ZBTB11: variants seen among roughly 807,000 people sequenced by gnomAD.
ZBTB11 encodes the protein zinc finger and BTB domain containing 11, also known as zinc finger and BTB domain-containing protein 11.
A neutral mutation model predicts 113.1 loss-of-function variants in ZBTB11; 68 were observed. The ratio of observed to expected loss-of-function variants is 0.60; its 90% CI spans 0.49 to 0.74. ZBTB11 has a LOEUF of 0.74. Ranked by LOEUF, ZBTB11 falls within the 30% of genes least tolerant of loss-of-function variation. The pLI, the probability that ZBTB11 is intolerant of heterozygous loss-of-function variation, is 0.00. For synonymous variants in ZBTB11, 518 were observed against 452.6 expected (o/e 1.14, Z -1.83); for missense variants, 1,104 against 1,279.4 (o/e 0.86, Z 2.09).
chr3:101,671,092 AT>A, intron 3 of ZBTB11, 37 bp downstream of exon 3: 1 of 1,556,078 alleles, frequency 6.4e-7, no homozygotes, highest in Non-Finnish European at 8.8e-7. Flanking sequence ...CTAGAATGTC[AT>A]TACAAACAAA....
intron 5 of ZBTB11, among the ~76,000 whole-genome samples, 182 bp from the exon 6 acceptor site, chr3:101,660,210 A>C (rs1936864683): frequency 6.6e-6 from 1 of 152,346 alleles, no homozygotes; most frequent in East Asian, 1.9e-4. Flanking sequence ...TATTCTGCAG[A>C]GGCTAAAGTC....
In ZBTB11 at chr3:101,668,620, C is replaced by CAA. The variant is rs35363315; in HGVS notation, c.778+2508_778+2509dup. On this transcript the variant is annotated intron_variant, in intron 3 of 10. Coordinates refer to ENST00000312938, the MANE Select transcript of ZBTB11 (RefSeq NM_014415.4). ...CTAGGGTGACAGAATAAGATTCTGT[C>CAA]AAAAAAAAAAAAAAAGGGCTGAAAG... is the stretch of plus-strand genomic sequence containing the variant. Among the ~76,000 whole-genome samples, 216 of 117,606 alleles carry CAA rather than the reference C, an allele frequency of 1.8e-3. 1 individual carries two copies. Among genetic ancestry groups the CAA allele is most frequent in the African/African-American group, 4.6e-3 (138 of 29,956 alleles). The allele number at this position is 117,606 out of a possible 152,430, so 77.2% of individuals were successfully genotyped here.
chr3:101,651,593 C>T lies in ZBTB11; in HGVS notation c.2735G>A (p.Arg912Gln). 6.2e-7 allele frequency: 1 copy of T among 1,613,578 alleles called. No homozygotes were observed. Among genetic ancestry groups the T allele is most frequent in the Non-Finnish European group, 8.5e-7 (1 of 1,179,928 alleles). Residue 912 changes from arginine to glutamine, a missense_variant, in exon 11 of 11, where the codon CGG (arginine) becomes CAG (glutamine). Transcript: ENST00000312938. The part of the protein sequence containing the change: ...KRHVRTHTGE[R>Q]PYVCPVCSEA... ...GCTACATACAGGACAGACATAGGGC[C>T]GTTCACCAGTATGTGTTCTGACATG...
intron 1 of ZBTB11, among the ~76,000 whole-genome samples, chr3:101,674,712 A>AAAATAAAT (rs149939204): frequency 1.3e-5 from 2 of 150,212 alleles, no homozygotes; most frequent in African/African-American, 4.9e-5. Flanking sequence ...ATAAATAAAT[A>AAAATAAAT]AAATAAATAA....
intron 8 of ZBTB11, among the ~76,000 whole-genome samples, chr3:101,653,897 T>C (rs1936748228): frequency 6.6e-6 from 1 of 152,146 alleles, no homozygotes; most frequent in Non-Finnish European, 1.5e-5. Context: ...CTTCCTGGCT[T>C]TTGTTTCCTA....
Position 101,672,181 on chromosome 3 carries a change from G to T in ZBTB11, c.343C>A (p.Gln115Lys), listed in dbSNP as rs759947683. Residue 115 changes from glutamine to lysine, a missense_variant, in exon 2 of 11, where the codon CAG becomes AAG. Transcript: ENST00000312938. Reference sequence around the variant, plus strand: ...AGTTTCTCCTGGCATTTGCTACACTGTTTAATGTAATCTTTGACTTGCTTC... The same window carrying T: ...AGTTTCTCCTGGCATTTGCTACACTTTTTAATGTAATCTTTGACTTGCTTC... ...ILKQVKDYIK[Q>K]CSKCQEKLDR... 1 of 1,609,494 alleles carries T rather than the reference G, an allele frequency of 6.2e-7. No homozygotes were observed. The highest frequency in any genetic ancestry group is 8.5e-7 in the Non-Finnish European group (1 of 1,178,192).
intron 1 of ZBTB11, among the ~76,000 whole-genome samples, chr3:101,675,986 T>C (rs1937161077): frequency 6.6e-6 from 1 of 152,098 alleles, no homozygotes; most frequent in South Asian, 2.1e-4. Flanking sequence ...ATCTTTTACA[T>C]TTACTTCTTG....
intron 1 of ZBTB11, among the ~76,000 whole-genome samples, chr3:101,673,308 G>A (rs1460895093): frequency 6.6e-6 from 1 of 152,126 alleles, no homozygotes; most frequent in East Asian, 1.9e-4. Flanking sequence ...CTAGTAAAAT[G>A]GCAGAGCTAG....
At position 101,651,131 on chromosome 3, in the gene ZBTB11, AG is replaced by A. The variant is rs1430241128; in HGVS notation, c.*34del. ...AAATGTTCTGTGAGTTCAGTGTACA[AG>A]AGATGTCACTTCTTTTTATCTTCAT... On this transcript the variant is annotated 3_prime_UTR_variant, in exon 11 of 11. Coordinates refer to ENST00000312938, the MANE Select transcript of ZBTB11 (RefSeq NM_014415.4). 1.3e-6 allele frequency: 2 copies of A among 1,535,526 alleles called. No homozygotes were observed. Among genetic ancestry groups the A allele is most frequent in the East Asian group, 2.3e-5 (1 of 44,394 alleles).
intron 3 of ZBTB11, among the ~76,000 whole-genome samples, chr3:101,668,081 T>C (rs1017950778): frequency 2.0e-5 from 3 of 151,652 alleles, no homozygotes; most frequent in African/African-American, 7.3e-5. Flanking sequence ...GAGGACATCA[T>C]GCTAAGTAAG....
chr3:101,676,192 G>A (rs184784978), intron 1 of ZBTB11, among the ~76,000 whole-genome samples: 1 of 150,922 alleles, frequency 6.6e-6, no homozygotes, highest in East Asian at 1.9e-4. Context: ...CGGGTGACTC[G>A]TCCCCCCTTC....
At chr3:101,671,077 C>T (rs1439527035) in intron 3 of ZBTB11, 53 bp downstream of exon 3, 56 of 1,464,544 alleles carry the variant, frequency 3.8e-5, no homozygotes, top group Non-Finnish European at 4.7e-5. Context: ...ACATATCCCC[C>T]TCTTCTAGAA....
At position 101,665,697 on chromosome 3, in the gene ZBTB11, A is replaced by G. The variant is rs747236001; in HGVS notation, c.890T>C (p.Met297Thr). The G allele has an allele frequency of 6.2e-7, 1 of 1,614,244 alleles. No homozygotes were observed. The highest frequency in any genetic ancestry group is 8.5e-7 in the Non-Finnish European group (1 of 1,180,040). Residue 297 changes from methionine to threonine, a missense_variant, in exon 4 of 11, where the codon ATG becomes ACG. By Grantham distance (81) the Met-to-Thr change is moderately conservative. Coordinates refer to ENST00000312938, the MANE Select transcript of ZBTB11 (RefSeq NM_014415.4). ...DVAILARHLF[M>T]SEVLEICESV... ...TTCACAAATCTCTAAGACTTCTGAC[A>G]TGAAAAGATGACGAGCTAAGATGGC...
At chr3:101,676,343 TC>T (rs1023746715) in intron 1 of ZBTB11, 10 of 361,624 alleles carry the variant, frequency 2.8e-5, no homozygotes, top group African/African-American at 2.1e-4. Context: ...GTCCGGCCCC[TC>T]CCCGCGGCTG....
rs541470297 is a variant in ZBTB11, at chr3:101,654,512, A to G, written c.2309+192T>C. On this transcript the variant is annotated intron_variant, in intron 8 of 10. Transcript: ENST00000312938. ...ATTTGAAAATCTGAAATCACTTTAA[A>G]TGAGTGATTTGTATGGTAAATGATT... 5.4e-4 allele frequency among the ~76,000 whole-genome samples: 83 copies of G among 152,316 alleles called. 1 individual carries two copies. The highest frequency in any genetic ancestry group is 4.4e-4 in the Non-Finnish European group (30 of 68,034).
intron 6 of ZBTB11, among the ~76,000 whole-genome samples, chr3:101,658,822 C>CA (rs1936841296): frequency 6.6e-6 from 1 of 151,886 alleles, no homozygotes; most frequent in Non-Finnish European, 1.5e-5. Context: ...ATGGGTACAC[C>CA]AAAATTTGGA....
At chr3:101,669,895 C>T (rs1371753884) in intron 3 of ZBTB11, among the ~76,000 whole-genome samples, 1 of 149,850 alleles carries the variant, frequency 6.7e-6, no homozygotes, top group Non-Finnish European at 1.5e-5. Context: ...ATGGTGTGAT[C>T]TCAGCTCACC....
chr3:101,669,212 T>G lies in ZBTB11; in HGVS notation c.778+1918A>C, dbSNP rs572371201. ...CATGCCTGGCTAATTTTTGTAAATTTTGGTAGCCACAGGGTTTCACCATGT... is the reference window on the plus strand; with the variant it reads ...CATGCCTGGCTAATTTTTGTAAATTGTGGTAGCCACAGGGTTTCACCATGT... On this transcript the variant is annotated intron_variant, in intron 3 of 10. Transcript: ENST00000312938. Among the ~76,000 whole-genome samples, 21 of 152,268 alleles carry G rather than the reference T, an allele frequency of 1.4e-4. No individual in the cohort carries two copies. The South Asian group carries it at 4.4e-3, about 32-fold the overall frequency.
chr3:101,659,198 GCTA>G (rs1936847193), intron 6 of ZBTB11, among the ~76,000 whole-genome samples: 1 of 152,156 alleles, frequency 6.6e-6, no homozygotes, highest in African/African-American at 2.4e-5. Flanking sequence ...CTGTGATCAT[GCTA>G]CTACATTCCA....
Sources: gnomAD v4.1 joint callset for allele counts (sites outside exome capture counted in the v4.1 genomes callset) on GRCh38, gnomAD v4.1.1 for gene constraint, MANE v1.5 for transcripts, NCBI Gene and HGNC (gene_info 2026-07-23, HGNC 2026-07-21) for gene names.